The following BOD1L1 variants were observed in gnomAD, a reference collection of about 807,000 sequenced individuals.
BOD1L1 encodes biorientation of chromosomes in cell division 1 like 1, also known as biorientation of chromosomes in cell division protein 1-like 1.
In BOD1L1, 86 loss-of-function variants were observed where a neutral mutation model predicts 240.7. The ratio of observed to expected loss-of-function variants is 0.36; its 90% confidence interval spans 0.30 to 0.43. The LOEUF (loss-of-function observed/expected upper bound fraction) is 0.43, where lower values mean the gene tolerates loss of function less well. BOD1L1 is among the 20% of genes least tolerant of loss of function. The pLI, the probability that BOD1L1 is intolerant of heterozygous loss-of-function variation, is 1.00. For missense variants in BOD1L1, 3,554 were observed against 3,643.5 expected (o/e 0.98, Z 0.63); for synonymous variants, 1,268 against 1,272.3 (o/e 1.00, Z 0.07).
At chr4:13,611,237 G>A in intron 5 of BOD1L1, 137 bp from the exon 6 acceptor site, 1 of 580,040 alleles carries the variant, frequency 1.7e-6, no homozygotes, top group Non-Finnish European at 2.9e-6. Context: ...TTCAGAAATT[G>A]ACTTTTAAAA....
At chr4:13,590,950 G>A (rs1714155666) in intron 13 of BOD1L1, among the ~76,000 whole-genome samples, 1 of 152,068 alleles carries the variant, frequency 6.6e-6, no homozygotes, top group Non-Finnish European at 1.5e-5. Context: ...TGCTCGACTG[G>A]GGAAAAGACA....
intron 5 of BOD1L1, among the ~76,000 whole-genome samples, chr4:13,612,740 C>G (rs1716268743): frequency 6.6e-6 from 1 of 152,108 alleles, no homozygotes; most frequent in Non-Finnish European, 1.5e-5. Flanking sequence ...GCTCTTGAGT[C>G]AAGCTAAACA....
At chr4:13,605,176 C>G (rs2108961545) in intron 9 of BOD1L1, 92 bp from the exon 10 acceptor site, 1 of 1,094,734 alleles carries the variant, frequency 9.1e-7, no homozygotes, top group East Asian at 2.9e-5. Context: ...ATGTTGAGTG[C>G]TGTCACATAT....
chr4:13,575,555 A>AT (rs750416058), intron 25 of BOD1L1, among the ~76,000 whole-genome samples: 25 of 150,282 alleles, frequency 1.7e-4, no homozygotes, highest in Non-Finnish European at 3.6e-4. Context: ...TAATTTTCTA[A>AT]TTTTTTTGTA....
At position 13,577,606 on chromosome 4, in the gene BOD1L1, G is replaced by A. The variant is rs1359526219; in HGVS notation, c.8775C>T (p.Asn2925=). 8.3e-6 allele frequency: 13 copies of A among 1,563,414 alleles called. No homozygotes were observed. The highest frequency in any genetic ancestry group is 3.5e-5 in the South Asian group (3 of 86,140). The change falls in exon 23 of 26, where the codon AAC becomes AAT. Residue 2925 remains asparagine (N), a synonymous_variant. Coordinates refer to ENST00000040738, the MANE Select transcript of BOD1L1 (RefSeq NM_148894.3). ...CATTGCTTATACTTCTTTCTTGTAG[G>A]TTAGCTGTTTCTTTATTGGATTCAT... The part of the protein sequence containing the change: ...QTDESNKETA[N]LQERSISNDD...
chr4:13,615,433 T>C lies in BOD1L1; in HGVS notation c.438A>G (p.Thr146=), dbSNP rs773545142. ...SQVVDPKINH[T]FRPQVEKAVH... ...CAGCTTTCTCTACCTGAGGTCTGAATGTGTGGTTGATCTTTGGGTCCACAA... is the reference window on the plus strand; with the variant it reads ...CAGCTTTCTCTACCTGAGGTCTGAACGTGTGGTTGATCTTTGGGTCCACAA... The change falls in exon 3 of 26, where the codon ACA becomes ACG. Residue 146 remains threonine (T), a synonymous_variant. Coordinates refer to ENST00000040738, the MANE Select transcript of BOD1L1 (RefSeq NM_148894.3). 5.6e-6 allele frequency: 9 copies of C among 1,613,728 alleles called. No individual in the cohort carries two copies. Among genetic ancestry groups the C allele is most frequent in the East Asian group, 2.2e-5 (1 of 44,884 alleles).
intron 1 of BOD1L1, among the ~76,000 whole-genome samples, chr4:13,620,462 G>A (rs910778173): frequency 6.6e-6 from 1 of 152,172 alleles, no homozygotes; most frequent in Non-Finnish European, 1.5e-5. Flanking sequence ...TACAGTCAAT[G>A]TAAACAAAGA....
chr4:13,604,664 T>G lies in BOD1L1; in HGVS notation c.2236A>C (p.Lys746Gln), dbSNP rs752272608. Residue 746 changes from lysine (K) to glutamine (Q), a missense_variant, in exon 10 of 26, where the codon AAA becomes CAA. Lys to Gln is a moderately conservative substitution (Grantham distance 53, BLOSUM62 1). Transcript: ENST00000040738. Reference sequence around the variant, plus strand: ...CCTGTTTTATGCATACAATCACCTTTATATTTATGTTTCACAGACAATTTG... The same window carrying G: ...CCTGTTTTATGCATACAATCACCTTGATATTTATGTTTCACAGACAATTTG... Reference protein sequence around the residue: ...EDKLSVKHKYKGDCMHKTGDE... With the variant: ...EDKLSVKHKYQGDCMHKTGDE... 2 of 1,589,894 alleles carry G rather than the reference T, an allele frequency of 1.3e-6. No homozygotes were observed. Among genetic ancestry groups the G allele is most frequent in the East Asian group, 4.5e-5 (2 of 44,724 alleles).
chr4:13,605,152 T>C, intron 9 of BOD1L1, 68 bp from the exon 10 acceptor site: 3 of 1,315,846 alleles, frequency 2.3e-6, no homozygotes, highest in Non-Finnish European at 3.0e-6. Flanking sequence ...ACATAACATT[T>C]GGGTGGATTT....
chr4:13,582,558 GA>G (rs1401948666), intron 18 of BOD1L1, 93 bp downstream of exon 18: 7 of 964,690 alleles, frequency 7.3e-6, no homozygotes, highest in Non-Finnish European at 1.1e-5. Context: ...TATTACACAG[GA>G]AAAGTAAATG....
chr4:13,570,859 T>G (rs1712151456), intron 25 of BOD1L1, among the ~76,000 whole-genome samples: 1 of 152,172 alleles, frequency 6.6e-6, no homozygotes, highest in African/African-American at 2.4e-5. Context: ...TGCCCCATCT[T>G]TGGAATCCCC....
chr4:13,576,446 T>G (rs1712750867), intron 25 of BOD1L1, among the ~76,000 whole-genome samples: 1 of 152,174 alleles, frequency 6.6e-6, no homozygotes, highest in South Asian at 2.1e-4. Flanking sequence ...TGACGGTGCG[T>G]GGGCCTGGTT....
chr4:13,587,993 G>A (rs1713846929), intron 15 of BOD1L1, among the ~76,000 whole-genome samples: 1 of 152,142 alleles, frequency 6.6e-6, no homozygotes, highest in Admixed American at 6.5e-5. Context: ...AGACCAACCT[G>A]GCTAACACGG....
At chr4:13,609,220 T>A in intron 7 of BOD1L1, 75 bp downstream of exon 7, 1 of 769,050 alleles carries the variant, frequency 1.3e-6, no homozygotes, top group Non-Finnish European at 1.8e-6. Context: ...TCATGTCTCA[T>A]AAGTAATATA....
intron 13 of BOD1L1, 67 bp downstream of exon 13, chr4:13,591,856 G>C (rs924333392): frequency 2.4e-6 from 3 of 1,269,988 alleles, no homozygotes; most frequent in Non-Finnish European, 3.3e-6. Flanking sequence ...CTCCTCAATA[G>C]CTCTCCAAAA....
chr4:13,588,885 T>C, intron 14 of BOD1L1, 93 bp from the exon 15 acceptor site: 1 of 857,104 alleles, frequency 1.2e-6, no homozygotes. Context: ...GGGAGAAAAC[T>C]GAGTTAGTAA....
chr4:13,609,248 A>C, intron 7 of BOD1L1, 47 bp downstream of exon 7: 1 of 1,116,528 alleles, frequency 9.0e-7, no homozygotes. Flanking sequence ...CCAGAAAATA[A>C]TGAAATATAT....
chr4:13,606,875 A>G (rs1715747385), intron 9 of BOD1L1, among the ~76,000 whole-genome samples: 1 of 152,128 alleles, frequency 6.6e-6, no homozygotes, highest in African/African-American at 2.4e-5. Context: ...TATTGCAATT[A>G]TAAGAAATGG....
chr4:13,575,280 T>C lies in BOD1L1; in HGVS notation c.9038+1558A>G, dbSNP rs550801711. Among the ~76,000 whole-genome samples, 3 of 152,270 alleles carry C rather than the reference T, an allele frequency of 2.0e-5. No individual in the cohort carries two copies. In the East Asian group the frequency reaches 5.8e-4, roughly 29 times the overall value. On this transcript the variant is annotated intron_variant, in intron 25 of 25. Coordinates refer to ENST00000040738, the MANE Select transcript of BOD1L1 (RefSeq NM_148894.3). ...TATATTATGCTGTTAGTGTTATTTT[T>C]GAAATAAATCTTCCTGAACTTTTTG...
Sources: allele counts gnomAD v4.1 joint callset (sites outside exome capture counted in the v4.1 genomes callset), GRCh38; gene constraint gnomAD v4.1.1; transcripts MANE v1.5; gene names NCBI Gene and HGNC (gene_info 2026-07-23, HGNC 2026-07-21).